EPHA7: variants seen among roughly 807,000 people sequenced by gnomAD.
EPHA7 encodes ephrin type-A receptor 7.
Under a neutral mutation model 112.6 loss-of-function variants are expected in EPHA7, and 25 were observed. That is an observed-to-expected ratio of 0.22 (90% CI 0.16 to 0.31). EPHA7 has a LOEUF of 0.31. Ranked by LOEUF, EPHA7 falls within the 10% of genes least tolerant of loss-of-function variation. EPHA7 has a pLI of 1.00. For missense variants in EPHA7, 962 were observed against 1,212.6 expected (o/e 0.79, Z 3.07); for synonymous variants, 437 against 406.5 (o/e 1.07, Z -0.90).
intron 3 of EPHA7, among the ~76,000 whole-genome samples, chr6:93,409,052 T>C (rs932828249): frequency 1.1e-4 from 16 of 152,022 alleles, no homozygotes; most frequent in African/African-American, 2.9e-4. Context: ...CAATGTTTAA[T>C]AGTCATTTTT....
intron 1 of EPHA7, among the ~76,000 whole-genome samples, chr6:93,418,157 AG>A (rs980870450): frequency 2.1e-5 from 3 of 143,608 alleles, no homozygotes. Context: ...CTGAAAGACC[AG>A]GGGGGCGACG....
At chr6:93,253,638 A>G (rs1770311951) in intron 14 of EPHA7, among the ~76,000 whole-genome samples, 1 of 151,992 alleles carries the variant, frequency 6.6e-6, no homozygotes, top group Non-Finnish European at 1.5e-5. Context: ...TCTAATTACC[A>G]CAAGTGTACT....
intron 14 of EPHA7, among the ~76,000 whole-genome samples, chr6:93,250,696 G>T (rs1283113139): frequency 2.0e-5 from 3 of 152,072 alleles, no homozygotes; most frequent in Non-Finnish European, 1.5e-5. Flanking sequence ...CTTCTTAGAG[G>T]ATTATGTAAC....
In EPHA7 at chr6:93,356,818, T is replaced by C; in HGVS notation, c.1223A>G (p.His408Arg). 1 of 1,614,168 alleles carries C rather than the reference T, an allele frequency of 6.2e-7. No homozygotes were observed. Residue 408 changes from histidine to arginine, a missense_variant, in exon 5 of 17, where the codon CAC (histidine) becomes CGC (arginine). By Grantham distance (29) the His-to-Arg change is conservative (BLOSUM62 0). Around this residue, in one of 3 missense-constraint regions of EPHA7, gnomAD observed 746 missense variants for 889.2 expected, o/e 0.84. Transcript: ENST00000369303. ...TTCAACTTCAAAAGTATAATTAGCGTGGGCTAGCAGGTCCATGACAGTGAC... is the reference window on the plus strand; with the variant it reads ...TTCAACTTCAAAAGTATAATTAGCGCGGGCTAGCAGGTCCATGACAGTGAC... Reference protein sequence around the residue: ...NYVTVMDLLAHANYTFEVEAV... With the variant: ...NYVTVMDLLARANYTFEVEAV...
rs1582386332 is a variant in EPHA7 at position 93,248,691 on chromosome 6, A to ACAAG, written c.2533-1707_2533-1706insCTTG. Among the ~76,000 whole-genome samples the ACAAG allele has an allele frequency of 2.6e-5, 4 of 151,648 alleles. No homozygotes were observed. In the East Asian group the frequency reaches 7.8e-4, roughly 30 times the overall value. ...TTTTTAAAAACAAACAAACAAACAA[A>ACAAG]CAAACAACAACAACAAAAAACGGAG... On this transcript the variant is annotated intron_variant, in intron 14 of 16. Coordinates refer to ENST00000369303, the MANE Select transcript of EPHA7 (RefSeq NM_004440.4).
intron 5 of EPHA7, among the ~76,000 whole-genome samples, chr6:93,318,095 A>T (rs1773896152): frequency 6.6e-6 from 1 of 152,208 alleles, no homozygotes; most frequent in African/African-American, 2.4e-5. Flanking sequence ...CTTATAAGAC[A>T]TACTGTACTC....
intron 3 of EPHA7, among the ~76,000 whole-genome samples, chr6:93,404,952 C>G (rs1157769447): frequency 6.6e-6 from 1 of 151,842 alleles, no homozygotes; most frequent in Non-Finnish European, 1.5e-5. Flanking sequence ...TGTGTTTATA[C>G]ATAAACAAAC....
At chr6:93,381,202 C>T (rs1338110732) in intron 3 of EPHA7, among the ~76,000 whole-genome samples, 2 of 152,046 alleles carry the variant, frequency 1.3e-5, no homozygotes, top group African/African-American at 2.4e-5. Context: ...CACATCTGTC[C>T]TTGACAACAC....
At chr6:93,272,693 CAATT>C (rs1412349717) in intron 5 of EPHA7, among the ~76,000 whole-genome samples, 2 of 151,832 alleles carry the variant, frequency 1.3e-5, no homozygotes, top group African/African-American at 4.8e-5. Context: ...CTGAGAATGA[CAATT>C]AAGCAAATGA....
chr6:93,411,201 T>G (rs1169876236), intron 2 of EPHA7, 31 bp from the exon 3 acceptor site: 8 of 1,562,576 alleles, frequency 5.1e-6, no homozygotes, highest in South Asian at 1.2e-5. Flanking sequence ...TCATCAGTCA[T>G]TCAGCAAAAA....
At chr6:93,417,597 A>T (rs1779303936) in intron 1 of EPHA7, among the ~76,000 whole-genome samples, 1 of 152,172 alleles carries the variant, frequency 6.6e-6, no homozygotes, top group Non-Finnish European at 1.5e-5. Flanking sequence ...CCCAAACTCC[A>T]GCCCGAGTCT....
At chr6:93,294,579 T>G (rs1464612043) in intron 5 of EPHA7, among the ~76,000 whole-genome samples, 1 of 152,198 alleles carries the variant, frequency 6.6e-6, no homozygotes, top group Non-Finnish European at 1.5e-5. Context: ...GTTTTTCTTT[T>G]TAACAAATAG....
chr6:93,312,043 G>T (rs1459640020), intron 5 of EPHA7, among the ~76,000 whole-genome samples: 1 of 152,056 alleles, frequency 6.6e-6, no homozygotes, highest in Non-Finnish European at 1.5e-5. Flanking sequence ...TGTTATCAAG[G>T]CTTCATTGAT....
At chr6:93,334,111 T>C (rs115282745) in intron 5 of EPHA7, among the ~76,000 whole-genome samples, 57 of 152,002 alleles carry the variant, frequency 3.7e-4, no homozygotes, top group African/African-American at 1.3e-3. Flanking sequence ...TGCACACCTA[T>C]AGTCATCTGA....
In EPHA7 at chr6:93,413,633, T is replaced by C. The variant is rs533644184; in HGVS notation, c.162+1070A>G. 6.8e-4 allele frequency among the ~76,000 whole-genome samples: 104 copies of C among 152,048 alleles called. 1 individual carries two copies. Among genetic ancestry groups the C allele is most frequent in the African/African-American group, 2.4e-3 (100 of 41,570 alleles). Reference sequence around the variant, plus strand: ...TTTTATATTTAATCTGTAAAATGGTTGTCATTGATTTATAATTTATCATAA... The same window carrying C: ...TTTTATATTTAATCTGTAAAATGGTCGTCATTGATTTATAATTTATCATAA... On this transcript the variant is annotated intron_variant, in intron 2 of 16. Transcript: ENST00000369303.
intron 3 of EPHA7, among the ~76,000 whole-genome samples, chr6:93,388,001 C>T (rs1437670768): frequency 1.3e-5 from 2 of 150,346 alleles, no homozygotes; most frequent in Admixed American, 1.3e-4. Context: ...GACACAGAGA[C>T]ATACACATGT....
intron 3 of EPHA7, among the ~76,000 whole-genome samples, chr6:93,381,775 T>C (rs1777348407): frequency 6.6e-6 from 1 of 151,936 alleles, no homozygotes; most frequent in South Asian, 2.1e-4. Context: ...CCAATTCCTC[T>C]GCTCAGTCTT....
intron 3 of EPHA7, among the ~76,000 whole-genome samples, chr6:93,380,862 G>T (rs950241384): frequency 2.0e-5 from 3 of 152,030 alleles, no homozygotes; most frequent in African/African-American, 4.8e-5. Context: ...TAAAAACCCT[G>T]TTTTTTCACT....
chr6:93,269,422 A>T, intron 7 of EPHA7, 55 bp downstream of exon 7: 1 of 1,470,772 alleles, frequency 6.8e-7, no homozygotes, highest in South Asian at 1.3e-5. Flanking sequence ...TGAAAAAAAT[A>T]TTAATATATG....
Sources: gnomAD v4.1 joint callset for allele counts (sites outside exome capture counted in the v4.1 genomes callset) on GRCh38, gnomAD v4.1.1 for gene constraint, gnomAD v4.1.1 regional missense constraint, MANE v1.5 for transcripts, NCBI Gene and HGNC (gene_info 2026-07-23, HGNC 2026-07-21) for gene names.